BIRC6: variants seen among roughly 807,000 people sequenced by gnomAD.
BIRC6 encodes dual E2 ubiquitin-conjugating enzyme/E3 ubiquitin-protein ligase BIRC6.
In BIRC6, 98 loss-of-function variants were observed where a neutral mutation model predicts 503.3. The ratio of observed to expected loss-of-function variants is 0.19; its 90% CI spans 0.17 to 0.23. BIRC6 has a LOEUF of 0.23. Ranked by LOEUF, BIRC6 falls within the 10% of genes least tolerant of loss-of-function variation. The pLI, the probability that BIRC6 is intolerant of heterozygous loss-of-function variation, is 1.00. For synonymous variants in BIRC6, 2,240 were observed against 2,078.7 expected (o/e 1.08, Z -2.11); for missense variants, 5,360 against 5,806.0 (o/e 0.92, Z 2.50).
chr2:32,406,305 A>T (rs1465535905), intron 8 of BIRC6, among the ~76,000 whole-genome samples, 194 bp from the exon 9 acceptor site: 1 of 152,120 alleles, frequency 6.6e-6, no homozygotes, highest in Non-Finnish European at 1.5e-5. Context: ...CTGAGGCAGG[A>T]GGATTGGTTG....
intron 53 of BIRC6, 45 bp from the exon 54 acceptor site, chr2:32,512,888 T>C: frequency 6.7e-7 from 1 of 1,493,840 alleles, no homozygotes; most frequent in Non-Finnish European, 9.3e-7. Context: ...GAAATGCCAA[T>C]TGCACTATAT....
intron 1 of BIRC6, among the ~76,000 whole-genome samples, chr2:32,368,966 C>G (rs2035382182): frequency 6.6e-6 from 1 of 152,082 alleles, no homozygotes; most frequent in African/African-American, 2.4e-5. Flanking sequence ...TTAATTACCT[C>G]TTGATATACT....
At chr2:32,424,855 G>A (rs1400639132) in intron 10 of BIRC6, among the ~76,000 whole-genome samples, 2 of 152,058 alleles carry the variant, frequency 1.3e-5, no homozygotes, top group East Asian at 1.9e-4. Flanking sequence ...TTTCCACAGA[G>A]TCTGCACCAT....
chr2:32,390,859 G>T (rs1421102217), intron 4 of BIRC6, among the ~76,000 whole-genome samples: 1 of 152,088 alleles, frequency 6.6e-6, no homozygotes, highest in Non-Finnish European at 1.5e-5. Context: ...AAGTGATTTT[G>T]TTGTTACATA....
chr2:32,518,523 A>G (rs1325639205), intron 56 of BIRC6, 126 bp downstream of exon 56: 1 of 995,990 alleles, frequency 1.0e-6, no homozygotes, highest in Admixed American at 3.0e-5. Flanking sequence ...CAGCCTTTAT[A>G]CCTAATGACA....
In BIRC6 at chr2:32,357,500, A is replaced by C; in HGVS notation, c.325+14A>C. Reference sequence around the variant, plus strand: ...CCGCGCTCAGTGGTGAGTCTTCCGCACGCCGGGCGGGCGCGAAGCCGGGGA... The same window carrying C: ...CCGCGCTCAGTGGTGAGTCTTCCGCCCGCCGGGCGGGCGCGAAGCCGGGGA... On this transcript the variant is annotated intron_variant, in intron 1 of 73. Coordinates refer to ENST00000421745, the MANE Select transcript of BIRC6 (RefSeq NM_016252.4). The surrounding 1 kb of genome is among the most constrained non-coding windows in gnomAD (Gnocchi z 4.9). 6.5e-7 allele frequency: 1 copy of C among 1,537,818 alleles called. No homozygotes were observed.
At chr2:32,598,387 A>G (rs2061812376) in intron 69 of BIRC6, among the ~76,000 whole-genome samples, 1 of 152,150 alleles carries the variant, frequency 6.6e-6, no homozygotes, top group African/African-American at 2.4e-5. Flanking sequence ...CAGGATTTCC[A>G]TTTTGTCATC....
intron 66 of BIRC6, among the ~76,000 whole-genome samples, chr2:32,582,002 G>A (rs1173426574): frequency 2.0e-5 from 3 of 152,058 alleles, no homozygotes; most frequent in Non-Finnish European, 4.4e-5. Flanking sequence ...GGGATTAGAG[G>A]CCCTTACCAC....
chr2:32,599,361 C>T (rs1227644457), intron 69 of BIRC6, among the ~76,000 whole-genome samples: 1 of 149,990 alleles, frequency 6.7e-6, no homozygotes, highest in South Asian at 2.1e-4. Context: ...TTATTTTGGC[C>T]AGGCACAGTG....
chr2:32,451,757 C>T (rs925576944), intron 22 of BIRC6, among the ~76,000 whole-genome samples: 1 of 152,104 alleles, frequency 6.6e-6, no homozygotes, highest in African/African-American at 2.4e-5. Context: ...ATTTGCACTG[C>T]GTTATTTGAC....
intron 53 of BIRC6, among the ~76,000 whole-genome samples, chr2:32,510,864 T>G (rs1273032688): frequency 6.6e-6 from 1 of 152,316 alleles, no homozygotes; most frequent in Admixed American, 6.5e-5. Context: ...TAAATAGAAT[T>G]CTTTGTTAAT....
chr2:32,465,185 A>AAT, intron 26 of BIRC6, 21 bp downstream of exon 26: 2 of 847,156 alleles, frequency 2.4e-6, no homozygotes. Flanking sequence ...ACTTTCTTAA[A>AAT]TTTTTTTTTT....
At chr2:32,510,286 T>C (rs1029903397) in intron 52 of BIRC6, among the ~76,000 whole-genome samples, 3 of 152,102 alleles carry the variant, frequency 2.0e-5, no homozygotes, top group African/African-American at 7.2e-5. Flanking sequence ...TCCATATTGA[T>C]CAGGCTGGTT....
chr2:32,615,772 C>G lies in BIRC6; in HGVS notation c.14395-1953C>G, dbSNP rs1468953509. ...GCCTCAGCCTCCCAAGTACCTGGGA[C>G]TACAGGCACACACCACCACACCCAG... On this transcript the variant is annotated intron_variant, in intron 73 of 73. Transcript: ENST00000421745. 3.9e-5 allele frequency among the ~76,000 whole-genome samples: 6 copies of G among 152,076 alleles called. No homozygotes were observed. In the South Asian group the frequency reaches 8.3e-4, roughly 21 times the overall value.
In BIRC6 at chr2:32,594,068, A is replaced by T. The variant is rs375143091; in HGVS notation, c.13501+8A>T. On this transcript the variant is annotated splice_region_variant and intron_variant, in intron 67 of 73. Transcript: ENST00000421745. Reference sequence around the variant, plus strand: ...TGCGGCAAGCAAATCAGGGTACAAAACTTTTCCTATTATGCCACTTTTCAT... The same window carrying T: ...TGCGGCAAGCAAATCAGGGTACAAATCTTTTCCTATTATGCCACTTTTCAT... The T allele has an allele frequency of 6.9e-6, 11 of 1,600,504 alleles. No individual in the cohort carries two copies. The African/African-American group carries it at 1.5e-4, about 22-fold the overall frequency.
Position 32,578,996 on chromosome 2 carries a change from AAT to A in BIRC6, c.13355+3642_13355+3643del, listed in dbSNP as rs369388507. The stretch of plus-strand genomic sequence containing the variant: ...ATATACCTAATATATATATACACTT[AAT>A]ATATATATATACCTAATATATATAT... On this transcript the variant is annotated intron_variant, in intron 66 of 73. Transcript: ENST00000421745. 2.6e-3 allele frequency among the ~76,000 whole-genome samples: 126 copies of A among 48,570 alleles called. 3 individuals carry two copies. Among genetic ancestry groups the A allele is most frequent in the African/African-American group, 6.8e-3 (62 of 9,164 alleles). The allele number at this position is 48,570 out of a possible 152,430, so 31.9% of individuals were successfully genotyped here. A position where few individuals can be genotyped will look rare whatever the true frequency, so the allele number is the denominator to read the frequency against.
intron 68 of BIRC6, among the ~76,000 whole-genome samples, chr2:32,597,189 T>C (rs1397091561): frequency 6.6e-6 from 1 of 152,244 alleles, no homozygotes; most frequent in Non-Finnish European, 1.5e-5. Context: ...CATAATATGA[T>C]TGGCTGCCAT....
At chr2:32,452,524 G>A (rs2046836115) in intron 22 of BIRC6, among the ~76,000 whole-genome samples, 1 of 152,000 alleles carries the variant, frequency 6.6e-6, no homozygotes, top group Admixed American at 6.5e-5. Flanking sequence ...TAGGCATATT[G>A]TTCTTTCAGT....
chr2:32,461,050 CTCTTCTCTTCTCTTCTGT>C (rs1278423795), intron 23 of BIRC6, among the ~76,000 whole-genome samples: 2,693 of 75,336 alleles, frequency 0.036, 287 homozygotes, highest in Non-Finnish European at 0.056. Flanking sequence ...CTCTTCTCTT[CTCTTCTCTTCTCTTCTGT>C]TCTCCTCTCC....
Sources: gnomAD v4.1 joint callset for allele counts (sites outside exome capture counted in the v4.1 genomes callset) on GRCh38, gnomAD v4.1.1 for gene constraint, Gnocchi (gnomAD v3.1) non-coding constraint, MANE v1.5 for transcripts, NCBI Gene and HGNC (gene_info 2026-07-23, HGNC 2026-07-21) for gene names.